The following CCDC186 variants were observed in gnomAD, a reference collection of about 807,000 sequenced individuals.
CCDC186 encodes coiled-coil domain-containing protein 186.
Under a neutral mutation model 113.7 loss-of-function variants are expected in CCDC186, and 49 were observed. The observed-to-expected ratio is 0.43, with a 90% CI of 0.34 to 0.55. CCDC186 has a LOEUF of 0.55. Ranked by LOEUF, CCDC186 falls within the 20% of genes least tolerant of loss-of-function variation. CCDC186 has a pLI of 0.02. For synonymous variants in CCDC186, 355 were observed against 345.8 expected (o/e 1.03, Z -0.30); for missense variants, 890 against 1,011.1 (o/e 0.88, Z 1.62).
chr10:114,167,587 C>G (rs1046078680), intron 1 of CCDC186, among the ~76,000 whole-genome samples: 1 of 151,656 alleles, frequency 6.6e-6, no homozygotes, highest in African/African-American at 2.4e-5. Context: ...GAGCCGTCAT[C>G]GAGGCTACTA....
At chr10:114,125,835 C>A (rs768027823) in intron 15 of CCDC186, 51 bp downstream of exon 15, 14 of 1,465,202 alleles carry the variant, frequency 9.6e-6, no homozygotes, top group Middle Eastern at 1.7e-4. Context: ...GTGAAACAGG[C>A]ATCATTTTGC....
chr10:114,173,207 A>C, intron 1 of CCDC186: 1 of 456,052 alleles, frequency 2.2e-6, no homozygotes, highest in Non-Finnish European at 4.4e-6. Flanking sequence ...AAGATTATCA[A>C]GTGAAAGAAG....
At chr10:114,151,502 AT>A (rs1225615435) in intron 3 of CCDC186, among the ~76,000 whole-genome samples, 2 of 152,210 alleles carry the variant, frequency 1.3e-5, no homozygotes, top group African/African-American at 2.4e-5. Flanking sequence ...TTCACTTTCT[AT>A]GGTTTCAGCA....
chr10:114,146,432 G>A (rs745520235), intron 4 of CCDC186, among the ~76,000 whole-genome samples: 6 of 152,110 alleles, frequency 3.9e-5, no homozygotes, highest in South Asian at 4.1e-4. Context: ...CTGTATAGCC[G>A]ACAATTTCTA....
chr10:114,129,960 A>C lies in CCDC186; in HGVS notation c.2113T>G (p.Leu705Val), dbSNP rs201874169. 13 of 1,612,888 alleles carry C rather than the reference A, an allele frequency of 8.1e-6. No homozygotes were observed. The highest frequency in any genetic ancestry group is 1.1e-5 in the Non-Finnish European group (13 of 1,179,374). Residue 705 changes from leucine to valine, a missense_variant, in exon 13 of 16, where the codon TTA becomes GTA. By Grantham distance (32) the Leu-to-Val change is conservative. Coordinates refer to ENST00000369287, the MANE Select transcript of CCDC186 (RefSeq NM_018017.4). Reference protein sequence around the residue: ...TKQLQQARRKLDQVESGSYDK... With the variant: ...TKQLQQARRKVDQVESGSYDK... Reference sequence around the variant, plus strand: ...TAGCTTCCACTCTCAACCTGATCTAATTTTCTTCGTGCTATAGGAAAAAGA... The same window carrying C: ...TAGCTTCCACTCTCAACCTGATCTACTTTTCTTCGTGCTATAGGAAAAAGA...
intron 3 of CCDC186, among the ~76,000 whole-genome samples, chr10:114,152,376 C>T (rs1440165791): frequency 6.6e-6 from 1 of 150,740 alleles, no homozygotes; most frequent in Admixed American, 6.6e-5. Context: ...ATTCACTTGT[C>T]AGGGGCAGAC....
Position 114,146,161 on chromosome 10 carries a change from C to A in CCDC186, c.889-400G>T, listed in dbSNP as rs544404787. ...CCCAACAGAAGGCAGTAGGCAGAAG[C>A]TTGGGAACGTAGGCAGAGTGAGATC... On this transcript the variant is annotated intron_variant, in intron 4 of 15. Coordinates refer to ENST00000369287, the MANE Select transcript of CCDC186 (RefSeq NM_018017.4). Among the ~76,000 whole-genome samples, 432 of 152,324 alleles carry A rather than the reference C, an allele frequency of 2.8e-3. 2 individuals carry two copies. Among genetic ancestry groups the A allele is most frequent in the Non-Finnish European group, 4.8e-3 (325 of 68,026 alleles).
chr10:114,137,273 G>T lies in CCDC186; in HGVS notation c.1239C>A (p.Leu413=). 1 of 1,613,130 alleles carries T rather than the reference G, an allele frequency of 6.2e-7. No individual in the cohort carries two copies. The highest frequency in any genetic ancestry group is 1.1e-5 in the South Asian group (1 of 91,050). ...MDSHKETKDK[L]KETTTKLTQA... is the part of the protein sequence containing the mutation. The stretch of plus-strand genomic sequence containing the variant: ...GTGTTAATTTTGTTGTTGTTTCTTT[G>T]AGTTTATCTTTGGTTTCCTGCATTG... Residue 413 remains leucine (L), a synonymous_variant, in exon 7 of 16, where the codon CTC becomes CTA. Coordinates refer to ENST00000369287, the MANE Select transcript of CCDC186 (RefSeq NM_018017.4).
chr10:114,145,807 A>G, intron 4 of CCDC186, 46 bp from the exon 5 acceptor site: 1 of 1,497,456 alleles, frequency 6.7e-7, no homozygotes, highest in Non-Finnish European at 9.0e-7. Flanking sequence ...TAATGTTTCA[A>G]ATGGAAATGT....
chr10:114,171,583 TA>T (rs1262787570), intron 1 of CCDC186, among the ~76,000 whole-genome samples: 2 of 152,016 alleles, frequency 1.3e-5, no homozygotes, highest in African/African-American at 2.4e-5. Flanking sequence ...CTAGTATCTT[TA>T]AAAAAAATTT....
rs923860075 is a variant in CCDC186, at chr10:114,174,187, G to A, written c.-234C>T. ...CGTTTCCCCAAACCCCTGCGGAGCT[G>A]ACACATCAACAAAGATGGCGGCGAC... On this transcript the variant is annotated 5_prime_UTR_variant, in exon 1 of 16. The change creates a premature stop within an existing upstream ORF in the 5' untranslated region. Coordinates refer to ENST00000369287, the MANE Select transcript of CCDC186 (RefSeq NM_018017.4). The A allele has an allele frequency of 1.3e-5, 6 of 449,198 alleles. No individual in the cohort carries two copies. The highest frequency in any genetic ancestry group is 1.2e-4 in the African/African-American group (6 of 49,434). The allele number at this position is 449,198 out of a possible 1,614,324, so 27.8% of individuals were successfully genotyped here.
chr10:114,154,575 C>A (rs949950293), intron 3 of CCDC186, among the ~76,000 whole-genome samples: 6 of 152,078 alleles, frequency 3.9e-5, no homozygotes, highest in African/African-American at 1.4e-4. Context: ...CAAAAACCTA[C>A]CCACAAAGAA....
chr10:114,165,924 C>G, intron 1 of CCDC186: 2 of 982,192 alleles, frequency 2.0e-6, no homozygotes, highest in South Asian at 9.4e-5. Context: ...CAGCTGGGAA[C>G]AGCTTCAACT....
At position 114,134,939 on chromosome 10, in the gene CCDC186, T is replaced by G. The variant is rs201018434; in HGVS notation, c.1629A>C (p.Ala543=). 2 of 1,612,026 alleles carry G rather than the reference T, an allele frequency of 1.2e-6. No individual in the cohort carries two copies. The highest frequency in any genetic ancestry group is 4.5e-5 in the East Asian group (2 of 44,694). The change falls in exon 10 of 16, where the codon GCA becomes GCC. Residue 543 remains alanine, a synonymous_variant. Transcript: ENST00000369287. ...IQNLLDKVKT[A]DQLQEQLQRG... ...TTTGAAGCTGCTCCTGTAGCTGATC[T>G]GCAGTTTTCACCTTGTCCAATAAAT...
At chr10:114,173,082 G>T (rs2032557962) in intron 1 of CCDC186, 8 of 376,506 alleles carry the variant, frequency 2.1e-5, no homozygotes, top group Non-Finnish European at 4.3e-5. Context: ...CGTTTTGGAA[G>T]AAAAAAAAGC....
chr10:114,141,418 G>T (rs560568920), intron 6 of CCDC186, among the ~76,000 whole-genome samples: 37 of 152,234 alleles, frequency 2.4e-4, no homozygotes, highest in Admixed American at 1.3e-3. Flanking sequence ...TTTTGTTAAG[G>T]CAGATTTATA....
intron 2 of CCDC186, among the ~76,000 whole-genome samples, chr10:114,158,659 A>C (rs1254140964): frequency 6.6e-6 from 1 of 152,170 alleles, no homozygotes. Flanking sequence ...AGTGAGCTCC[A>C]CTGCACTCCT....
rs752476584 is a variant in CCDC186 at position 114,127,670 on chromosome 10, C to A, written c.2184G>T (p.Gly728=). The change falls in exon 14 of 16, where the codon GGG becomes GGT. Residue 728 remains glycine (G), a splice_region_variant and synonymous_variant. Transcript: ENST00000369287. Reference sequence around the variant, plus strand: ...CTGCACTGCTTCGAGCATTCAGGGACCCTGAAGACAAAAAAAATTGGTTTA... The same window carrying A: ...CTGCACTGCTTCGAGCATTCAGGGAACCTGAAGACAAAAAAAATTGGTTTA... ...SSMGSRSSSS[G]SLNARSSAED... 1.2e-4 allele frequency: 190 copies of A among 1,611,128 alleles called. No individual in the cohort carries two copies. Among genetic ancestry groups the A allele is most frequent in the Non-Finnish European group, 1.5e-4 (182 of 1,179,242 alleles).
At position 114,131,306 on chromosome 10, in the gene CCDC186, G is replaced by A. The variant is rs199821888; in HGVS notation, c.1942C>T (p.Arg648Ter). Residue 648 changes from arginine (R) to a stop codon, truncating the protein, a stop_gained, in exon 12 of 16, where the codon CGA becomes TGA. Transcript: ENST00000369287. LOFTEE classifies it high-confidence loss of function. ...TGCAGAGTTTGGACTTCCTCTTTTC[G>A]CAGTTCTTCCTCTTTCAACAACCTA... ...ESRLLKEEEL[R>*]KEEVQTLQAE... The A allele has an allele frequency of 6.3e-7, 1 of 1,589,862 alleles. No homozygotes were observed. Among genetic ancestry groups the A allele is most frequent in the Admixed American group, 1.8e-5 (1 of 54,464 alleles).
Sources: gnomAD v4.1 joint callset for allele counts (sites outside exome capture counted in the v4.1 genomes callset) on GRCh38, gnomAD v4.1.1 for gene constraint, MANE v1.5 for transcripts, NCBI Gene and HGNC (gene_info 2026-07-23, HGNC 2026-07-21) for gene names.